The following DAB1 variants were observed in gnomAD, a reference collection of about 807,000 sequenced individuals.
DAB1 encodes the protein disabled homolog 1.
In DAB1, 15 loss-of-function variants were observed where a neutral mutation model predicts 64.6. The observed-to-expected ratio is 0.23, with a 90% confidence interval of 0.16 to 0.36. The LOEUF (loss-of-function observed/expected upper bound fraction) is 0.36. Ranked by LOEUF, DAB1 falls within the 10% of genes least tolerant of loss-of-function variation. DAB1 has a pLI of 1.00. For synonymous variants in DAB1, 235 were observed against 251.9 expected (o/e 0.93, Z 0.64); for missense variants, 596 against 706.7 (o/e 0.84, Z 1.78).
chr1:58,469,080 T>G (rs1021586792), intron 3 of DAB1: 1 of 208,990 alleles, frequency 4.8e-6, no homozygotes, highest in African/African-American at 2.3e-5. Context: ...CCTAAGGGAC[T>G]GTCTCAAGCA....
intron 1 of DAB1, among the ~76,000 whole-genome samples, chr1:57,388,679 T>C (rs566405015): frequency 6.6e-6 from 1 of 152,318 alleles, no homozygotes; most frequent in Admixed American, 6.5e-5. Context: ...TCTTCTCCCT[T>C]GTGTGCTTCA....
At chr1:57,546,390 T>C (rs1644857126) in intron 7 of DAB1, among the ~76,000 whole-genome samples, 1 of 152,196 alleles carries the variant, frequency 6.6e-6, no homozygotes, top group South Asian at 2.1e-4. Flanking sequence ...CAGTAAAATA[T>C]AATATGCAGT....
At chr1:57,474,184 T>C (rs968447524) in intron 7 of DAB1, among the ~76,000 whole-genome samples, 5 of 152,216 alleles carry the variant, frequency 3.3e-5, no homozygotes, top group African/African-American at 7.2e-5. Context: ...GCTGGAGAAC[T>C]TGTACTTTTT....
At chr1:57,543,965 G>A (rs114319244) in intron 7 of DAB1, among the ~76,000 whole-genome samples, 19 of 152,004 alleles carry the variant, frequency 1.2e-4, no homozygotes, top group African/African-American at 3.9e-4. Context: ...AAAATTAGCC[G>A]GGCATGGTGG....
intron 2 of DAB1, among the ~76,000 whole-genome samples, chr1:57,210,766 T>C (rs1665935693): frequency 6.6e-6 from 1 of 152,224 alleles, no homozygotes; most frequent in Non-Finnish European, 1.5e-5. Context: ...GTTGACATTG[T>C]AGCAGGTACT....
rs182331631 is a variant in DAB1, at chr1:58,530,653, G to T, written n.33-3318C>A. 53 of 872,674 alleles carry T rather than the reference G, an allele frequency of 6.1e-5. No individual in the cohort carries two copies. In the Admixed American group the frequency reaches 9.0e-4, roughly 15 times the overall value. 54.1% of individuals were successfully genotyped at this position (872,674 alleles called of 1,614,324 possible). ...GCACAAAAGTGCCAAGCTATCTCGA[G>T]GACAAATGGCCCAAATCATTGTGAG... On this transcript the variant is annotated intron_variant and non_coding_transcript_variant, in intron 1 of 20. Coordinates refer to the DAB1 transcript ENST00000485760.
intron 6 of DAB1, among the ~76,000 whole-genome samples, chr1:57,762,353 G>C (rs1213030246): frequency 1.3e-5 from 2 of 152,076 alleles, no homozygotes. Flanking sequence ...CTTTAGATCA[G>C]ATTTTCAAAA....
intron 5 of DAB1, among the ~76,000 whole-genome samples, chr1:58,149,859 A>G (rs532530437): frequency 6.6e-6 from 1 of 152,314 alleles, no homozygotes; most frequent in Admixed American, 6.5e-5. Flanking sequence ...CAAGGTAGCT[A>G]ACATAAAGGA....
chr1:58,458,466 A>C (rs1386880773), intron 3 of DAB1, among the ~76,000 whole-genome samples: 1 of 152,224 alleles, frequency 6.6e-6, no homozygotes, highest in Non-Finnish European at 1.5e-5. Flanking sequence ...AAGTAACTAA[A>C]AGGTACCAGT....
chr1:58,011,545 C>T (rs972862473), intron 5 of DAB1, among the ~76,000 whole-genome samples: 6 of 152,152 alleles, frequency 3.9e-5, no homozygotes, highest in Non-Finnish European at 1.5e-5. Flanking sequence ...CTTTATAAGC[C>T]TAAGTATTTA....
intron 14 of DAB1, among the ~76,000 whole-genome samples, chr1:56,998,925 T>C (rs908135023): frequency 2.0e-5 from 3 of 152,220 alleles, no homozygotes; most frequent in Non-Finnish European, 4.4e-5. Context: ...GATGTTGAGA[T>C]GGCTCATTGT....
At chr1:57,331,602 A>T (rs1676677534) in intron 1 of DAB1, among the ~76,000 whole-genome samples, 1 of 152,236 alleles carries the variant, frequency 6.6e-6, no homozygotes, top group African/African-American at 2.4e-5. Flanking sequence ...TAGAAAGTGA[A>T]ATACTGGAAT....
At chr1:57,791,889 T>C (rs1438276883) in intron 6 of DAB1, among the ~76,000 whole-genome samples, 27 of 152,186 alleles carry the variant, frequency 1.8e-4, no homozygotes. Flanking sequence ...CTTAATCAAC[T>C]TCTTCTTGTC....
chr1:57,017,048 A>G (rs2100339797), intron 11 of DAB1, among the ~76,000 whole-genome samples: 1 of 152,260 alleles, frequency 6.6e-6, no homozygotes, highest in East Asian at 1.9e-4. Context: ...CCTCACCCAG[A>G]TGGCCAAGAC....
At position 58,071,363 on chromosome 1, in the gene DAB1, GGTGTGT is replaced by G. The variant is rs548977353; in HGVS notation, n.387+79142_387+79147del. ...AACTCTACCTCCATCAAAGGAGAAT[GGTGTGT>G]GTGTGTGTGTGTGTGTGTGTGTGTG... On this transcript the variant is annotated intron_variant and non_coding_transcript_variant, in intron 5 of 20. Transcript: ENST00000485760. Among the ~76,000 whole-genome samples the G allele has an allele frequency of 3.8e-3, 522 of 135,770 alleles. 4 individuals are homozygous for G. The highest frequency in any genetic ancestry group is 0.015 in the Middle Eastern group (4 of 264). The allele number at this position is 135,770 out of a possible 152,430, so 89.1% of individuals were successfully genotyped here.
At chr1:57,782,328 T>C (rs539041308) in intron 6 of DAB1, among the ~76,000 whole-genome samples, 2 of 152,266 alleles carry the variant, frequency 1.3e-5, no homozygotes, top group East Asian at 3.9e-4. Context: ...AGAGGGCAGG[T>C]GACACAGTCA....
At chr1:57,044,805 A>C (rs1167550168) in intron 9 of DAB1, among the ~76,000 whole-genome samples, 1 of 152,218 alleles carries the variant, frequency 6.6e-6, no homozygotes, top group Non-Finnish European at 1.5e-5. Context: ...AAGAGGAAGG[A>C]ATGGGTCACA....
At chr1:57,436,516 A>T (rs1685701530) in intron 7 of DAB1, among the ~76,000 whole-genome samples, 1 of 152,226 alleles carries the variant, frequency 6.6e-6, no homozygotes, top group Admixed American at 6.5e-5. Flanking sequence ...CGCTCACCCC[A>T]GACACTTGTG....
chr1:57,465,328 T>A (rs1461450985), intron 7 of DAB1, among the ~76,000 whole-genome samples: 2 of 152,222 alleles, frequency 1.3e-5, no homozygotes, highest in African/African-American at 4.8e-5. Flanking sequence ...TTAATGTAGT[T>A]TGGTCATCTG....
Sources: allele counts gnomAD v4.1 joint callset (sites outside exome capture counted in the v4.1 genomes callset), GRCh38; gene constraint gnomAD v4.1.1; transcripts MANE v1.5; gene names NCBI Gene and HGNC (gene_info 2026-07-23, HGNC 2026-07-21).